The following NKX2-1 variants were observed in gnomAD, a reference collection of about 807,000 sequenced individuals.
NKX2-1 encodes the protein homeobox protein Nkx-2.1.
Under a neutral mutation model 35.1 loss-of-function variants are expected in NKX2-1, and 9 were observed. That is an observed-to-expected ratio of 0.26 (90% CI 0.15 to 0.45). NKX2-1 has a LOEUF of 0.45. NKX2-1 is among the 20% of genes least tolerant of loss of function. The pLI is 1.00. For missense variants in NKX2-1, 509 were observed against 589.1 expected, an observed-to-expected ratio of 0.86 and a Z score of 1.41; for synonymous variants, 284 against 269.9, an observed-to-expected ratio of 1.05 and a Z score of -0.51.
At chr14:36,519,733 G>A in intron 1 of NKX2-1, 1 of 1,494,074 alleles carries the variant, frequency 6.7e-7, no homozygotes, top group Non-Finnish European at 8.9e-7. Context: ...AAGAGAGAGA[G>A]AGAGAGGCAG....
In NKX2-1 at chr14:36,517,161, G is replaced by T. The variant is rs1000909186; in HGVS notation, c.*117C>A. 1 of 1,490,394 alleles carries T rather than the reference G, an allele frequency of 6.7e-7. No homozygotes were observed. The highest frequency in any genetic ancestry group is 1.3e-5 in the South Asian group (1 of 77,850). 92.3% of individuals were successfully genotyped at this position (1,490,394 alleles called of 1,614,324 possible). On this transcript the variant is annotated 3_prime_UTR_variant, in exon 3 of 3. Transcript: ENST00000354822. The stretch of plus-strand genomic sequence containing the variant: ...TTTTTTTGTTCCTTGGTCTAAACGC[G>T]GCCAGGTTGTTAAGAAAAGTCGAAG...
At chr14:36,519,621 A>T in intron 1 of NKX2-1, 1 of 1,530,958 alleles carries the variant, frequency 6.5e-7, no homozygotes, top group Non-Finnish European at 8.7e-7. Flanking sequence ...CGCTAAAGCA[A>T]CAAGACAATA....
Position 36,517,091 on chromosome 14 carries a change from A to AGGGTGT in NKX2-1, c.*186_*187insACACCC. The AGGGTGT allele has an allele frequency of 9.7e-7, 1 of 1,026,192 alleles. No individual in the cohort carries two copies. The highest frequency in any genetic ancestry group is 3.0e-5 in the East Asian group (1 of 32,846). The allele number at this position is 1,026,192 out of a possible 1,614,324, so 63.6% of individuals were successfully genotyped here. On this transcript the variant is annotated 3_prime_UTR_variant, in exon 3 of 3. Transcript: ENST00000354822. ...TTAAAAAAAAAAACCCACAAATTTT[A>AGGGTGT]GGGGGGGAAAAAAAGAAAGACGTCC...
chr14:36,518,441 A>G (rs1881161830), intron 2 of NKX2-1, among the ~76,000 whole-genome samples: 1 of 152,006 alleles, frequency 6.6e-6, no homozygotes, highest in South Asian at 2.1e-4. Context: ...GGGGGTGTTG[A>G]CTTCCAAAAG....
Position 36,517,596 on chromosome 14 carries a change from G to C in NKX2-1, c.888C>G (p.Asp296Glu). Residue 296 changes from aspartate (D) to glutamate (E), a missense_variant, in exon 3 of 3, where the codon GAC becomes GAG. By Grantham distance (45) the Asp-to-Glu change is conservative. Coordinates refer to ENST00000354822, the MANE Select transcript of NKX2-1 (RefSeq NM_001079668.3). ...GGGCACCCGCCTGGCACGGTTTGCC[G>C]TCTTTCACCAGGACCGGCACCGCCA... is the stretch of plus-strand genomic sequence containing the variant. ...RRVAVPVLVK[D>E]GKPCQAGAPA... The C allele has an allele frequency of 6.6e-7, 1 of 1,525,816 alleles. No individual in the cohort carries two copies. The highest frequency in any genetic ancestry group is 2.5e-5 in the East Asian group (1 of 39,884). The allele number at this position is 1,525,816 out of a possible 1,614,324, so 94.5% of individuals were successfully genotyped here.
At chr14:36,519,636 C>A (rs1232077794) in intron 1 of NKX2-1, 3 of 1,529,056 alleles carry the variant, frequency 2.0e-6, no homozygotes, top group Non-Finnish European at 2.6e-6. Context: ...ACAATAGAAG[C>A]CTACATCTTG....
chr14:36,519,640 C>T, intron 1 of NKX2-1: 1 of 1,528,304 alleles, frequency 6.5e-7, no homozygotes, highest in Non-Finnish European at 8.8e-7. Flanking sequence ...TAGAAGCCTA[C>T]ATCTTGCCCG....
chr14:36,518,066 A>G (rs1390242741), intron 2 of NKX2-1, 46 bp from the exon 3 acceptor site: 1 of 1,589,700 alleles, frequency 6.3e-7, no homozygotes. Flanking sequence ...AGGCCGAGCC[A>G]GGCCACCCCT....
At chr14:36,518,403 TAGACCCC>T (rs1881159504) in intron 2 of NKX2-1, among the ~76,000 whole-genome samples, 1 of 152,032 alleles carries the variant, frequency 6.6e-6, no homozygotes, top group Non-Finnish European at 1.5e-5. Context: ...GGTCCTACGG[TAGACCCC>T]AGTTTGGAGA....
At position 36,519,182 on chromosome 14, in the gene NKX2-1, C is replaced by T. The variant is rs1488542462; in HGVS notation, c.266G>A (p.Gly89Glu). 1.2e-6 allele frequency: 2 copies of T among 1,603,442 alleles called. No homozygotes were observed. The highest frequency in any genetic ancestry group is 1.1e-5 in the South Asian group (1 of 90,146). ...GGCGGCGGTGACGGCGCCGTGGTGC[C>T]CCACGGCGTGCTGCTGCATGGCCGC... is the stretch of plus-strand genomic sequence containing the variant. Reference protein sequence around the residue: ...PTAAMQQHAVGHHGAVTAAYH... With the variant: ...PTAAMQQHAVEHHGAVTAAYH... Residue 89 changes from glycine (G) to glutamate (E), a missense_variant, in exon 2 of 3, where the codon GGG becomes GAG. Gly to Glu is a moderately conservative substitution (Grantham distance 98). Coordinates refer to ENST00000354822, the MANE Select transcript of NKX2-1 (RefSeq NM_001079668.3).
chr14:36,518,045 C>T, intron 2 of NKX2-1, 25 bp from the exon 3 acceptor site: 5 of 1,595,720 alleles, frequency 3.1e-6, no homozygotes, highest in South Asian at 1.1e-5. Context: ...CGCACAGCGT[C>T]GGCCGGGGCC....
intron 2 of NKX2-1, 118 bp from the exon 3 acceptor site, chr14:36,518,138 A>C: frequency 2.1e-6 from 3 of 1,412,536 alleles, no homozygotes; most frequent in Non-Finnish European, 2.9e-6. Flanking sequence ...TGACCCAGGC[A>C]GCCTAGCGCT....
At position 36,517,400 on chromosome 14, in the gene NKX2-1, G is replaced by A; in HGVS notation, c.1084C>T (p.His362Tyr). The A allele has an allele frequency of 6.3e-7, 1 of 1,595,620 alleles. No individual in the cohort carries two copies. Among genetic ancestry groups the A allele is most frequent in the Non-Finnish European group, 8.5e-7 (1 of 1,173,566 alleles). Residue 362 changes from histidine to tyrosine, a missense_variant, in exon 3 of 3, where the codon CAC (histidine) becomes TAC (tyrosine). By Grantham distance (83) the His-to-Tyr change is moderately conservative. This residue lies in a region of NKX2-1 where 212 missense variants were observed against 227.7 expected (regional missense o/e 0.93). Transcript: ENST00000354822. Reference sequence around the variant, plus strand: ...AGCGCCGCGGGGCTGGCGGCGTGGTGCGCCAGGTCCGGAGACTGGCCTGCG... The same window carrying A: ...AGCGCCGCGGGGCTGGCGGCGTGGTACGCCAGGTCCGGAGACTGGCCTGCG... ...GSAGQSPDLAHHAASPAALQG... is the reference protein window; with the variant it reads ...GSAGQSPDLAYHAASPAALQG...
Position 36,516,829 on chromosome 14 carries a change from A to C in NKX2-1, c.*449T>G, listed in dbSNP as rs1881041459. On this transcript the variant is annotated 3_prime_UTR_variant, in exon 3 of 3. Transcript: ENST00000354822. ...CCCGTCCTCCCTTCAAAAAAAAAAAAAAATCCTGGTATTTACAAGCGAGTC... is the reference window on the plus strand; with the variant it reads ...CCCGTCCTCCCTTCAAAAAAAAAAACAAATCCTGGTATTTACAAGCGAGTC... 4.3e-6 allele frequency: 1 copy of C among 234,456 alleles called. No individual in the cohort carries two copies. Among genetic ancestry groups the C allele is most frequent in the South Asian group, 1.8e-4 (1 of 5,612 alleles). The allele number at this position is 234,456 out of a possible 1,614,324, so 14.5% of individuals were successfully genotyped here.
chr14:36,518,411 A>C (rs1046272574), intron 2 of NKX2-1, among the ~76,000 whole-genome samples: 2 of 152,150 alleles, frequency 1.3e-5, no homozygotes, highest in Non-Finnish European at 2.9e-5. Context: ...GGTAGACCCC[A>C]GTTTGGAGAG....
In NKX2-1 at chr14:36,520,124, C is replaced by T; in HGVS notation, c.6G>A (p.Trp2Ter). The T allele has an allele frequency of 6.2e-7, 1 of 1,613,120 alleles. No individual in the cohort carries two copies. Among genetic ancestry groups the T allele is most frequent in the Non-Finnish European group, 8.5e-7 (1 of 1,179,902 alleles). Residue 2 changes from tryptophan (W) to a stop codon, truncating the protein, a stop_gained, in exon 1 of 3, where the codon TGG becomes TGA. Transcript: ENST00000354822. LOFTEE classifies it high-confidence loss of function. M[W>*]SGGSGKARGW... The stretch of plus-strand genomic sequence containing the variant: ...CCCGCGCCTTCCCACTGCCTCCGGA[C>T]CACATCGGGCTTCGCTGCGCTGAGC...
intron 2 of NKX2-1, among the ~76,000 whole-genome samples, chr14:36,518,717 G>A (rs998334018): frequency 1.3e-5 from 2 of 152,168 alleles, no homozygotes; most frequent in Admixed American, 1.3e-4. Flanking sequence ...CTTCTGCGCC[G>A]AGCAGAGCTG....
intron 2 of NKX2-1, among the ~76,000 whole-genome samples, chr14:36,518,296 G>C (rs539278496): frequency 1.3e-5 from 2 of 152,240 alleles, no homozygotes; most frequent in East Asian, 3.9e-4. Flanking sequence ...GACGCAGTGG[G>C]GGAAAGGCCG....
At position 36,517,201 on chromosome 14, in the gene NKX2-1, G is replaced by C; in HGVS notation, c.*77C>G. On this transcript the variant is annotated 3_prime_UTR_variant, in exon 3 of 3. Coordinates refer to ENST00000354822, the MANE Select transcript of NKX2-1 (RefSeq NM_001079668.3). ...AAAAGTCGAAGCGCGTGGAGCAGCG[G>C]TGGATGGTGGTCTGTGTGGCGGGCA... 3 of 1,556,860 alleles carry C rather than the reference G, an allele frequency of 1.9e-6. No individual in the cohort carries two copies. In the South Asian group the frequency reaches 3.6e-5, roughly 18 times the overall value.
Sources: gnomAD v4.1 joint callset for allele counts (sites outside exome capture counted in the v4.1 genomes callset) on GRCh38, gnomAD v4.1.1 for gene constraint, gnomAD v4.1.1 regional missense constraint, MANE v1.5 for transcripts, NCBI Gene and HGNC (gene_info 2026-07-23, HGNC 2026-07-21) for gene names.